Variants in PLD1 observed in about 807,000 individuals in gnomAD.
PLD1 encodes the protein phospholipase D1, also known as choline phosphatase 1.
A neutral mutation model predicts 137.1 loss-of-function variants in PLD1; 112 were observed. The ratio of observed to expected loss-of-function variants is 0.82; its 90% CI spans 0.70 to 0.96. PLD1 has a LOEUF of 0.96. Ranked by LOEUF, PLD1 falls within the 40% of genes least tolerant of loss-of-function variation. The pLI is 0.00. For missense variants in PLD1, 1,321 were observed against 1,342.0 expected (o/e 0.98, Z 0.24); for synonymous variants, 431 against 454.7 (o/e 0.95, Z 0.66).
chr3:171,695,009 C>T (rs1024932353), intron 12 of PLD1, among the ~76,000 whole-genome samples: 1 of 152,072 alleles, frequency 6.6e-6, no homozygotes, highest in African/African-American at 2.4e-5. Flanking sequence ...TTACCTACAC[C>T]TATAGCCACA....
At chr3:171,690,373 T>G (rs1715024483) in intron 13 of PLD1, among the ~76,000 whole-genome samples, 1 of 152,158 alleles carries the variant, frequency 6.6e-6, no homozygotes, top group Admixed American at 6.5e-5. Flanking sequence ...GCTCCAATCT[T>G]TATTTCCTTC....
At chr3:171,748,239 G>A (rs1172855583) in intron 1 of PLD1, among the ~76,000 whole-genome samples, 2 of 152,170 alleles carry the variant, frequency 1.3e-5, no homozygotes, top group African/African-American at 4.8e-5. Flanking sequence ...CTGTTAATAA[G>A]TTTATTACGT....
intron 16 of PLD1, among the ~76,000 whole-genome samples, chr3:171,682,348 T>C (rs187936655): frequency 1.8e-4 from 27 of 152,320 alleles, no homozygotes; most frequent in African/African-American, 6.5e-4. Flanking sequence ...AGTTTTTCTA[T>C]ATAAAAACCC....
chr3:171,725,005 A>G (rs1345654116), intron 7 of PLD1, among the ~76,000 whole-genome samples: 7 of 152,164 alleles, frequency 4.6e-5, no homozygotes, highest in Non-Finnish European at 8.8e-5. Flanking sequence ...CCCCTTCAGC[A>G]TTCGGGGCAG....
At chr3:171,675,617 A>G (rs562366280) in intron 18 of PLD1, among the ~76,000 whole-genome samples, 1 of 152,346 alleles carries the variant, frequency 6.6e-6, no homozygotes, top group South Asian at 2.1e-4. Flanking sequence ...TAGCAGGTTA[A>G]AAGTAACACC....
chr3:171,626,745 C>A (rs1734147987), intron 23 of PLD1, among the ~76,000 whole-genome samples: 1 of 149,538 alleles, frequency 6.7e-6, no homozygotes, highest in Non-Finnish European at 1.5e-5. Context: ...TCATATCCAG[C>A]CAAACTAAGC....
At chr3:171,616,510 G>A (rs1370253709) in intron 24 of PLD1, among the ~76,000 whole-genome samples, 10 of 152,216 alleles carry the variant, frequency 6.6e-5, no homozygotes, top group Non-Finnish European at 8.8e-5. Context: ...TAAAAATAGA[G>A]TGAGTAGCCT....
chr3:171,710,460 T>G (rs1717096182), intron 9 of PLD1, among the ~76,000 whole-genome samples: 1 of 152,170 alleles, frequency 6.6e-6, no homozygotes. Context: ...AGTGATATGA[T>G]TCTCGTGAGG....
chr3:171,635,758 T>TCCA (rs1735049210), intron 23 of PLD1, among the ~76,000 whole-genome samples: 2 of 152,004 alleles, frequency 1.3e-5, no homozygotes, highest in Non-Finnish European at 2.9e-5. Context: ...GCACAAAGGC[T>TCCA]TTCAAGCTTT....
intron 26 of PLD1, among the ~76,000 whole-genome samples, chr3:171,604,760 TAAC>T (rs1357647178): frequency 1.3e-5 from 2 of 152,358 alleles, no homozygotes; most frequent in East Asian, 3.8e-4. Context: ...TTATTAATAT[TAAC>T]AAGATTCATC....
At chr3:171,728,172 T>C (rs1010410843) in intron 6 of PLD1, among the ~76,000 whole-genome samples, 1 of 152,010 alleles carries the variant, frequency 6.6e-6, no homozygotes, top group Non-Finnish European at 1.5e-5. Flanking sequence ...TAGCCAGGTG[T>C]GGTGGTGCAT....
chr3:171,733,446 TG>T lies in PLD1; in HGVS notation c.603del (p.Thr202GlnfsTer7). The T allele has an allele frequency of 1.6e-6, 2 of 1,224,430 alleles. No homozygotes were observed. Among genetic ancestry groups the T allele is most frequent in the Non-Finnish European group, 2.4e-6 (2 of 832,838 alleles). 75.8% of individuals were successfully genotyped at this position (1,224,430 alleles called of 1,614,324 possible). ...TTAAATCACTGACTAGTACTTACTG[TG>T]GCATGATAGTTTCTATACATGGGCA... ...LKMPMYRNYH[A>X]TTEFLDISQL... On this transcript the variant is annotated frameshift_variant, in exon 6 of 27. Transcript: ENST00000351298. LOFTEE classifies it high-confidence loss of function.
At chr3:171,662,310 G>C (rs2108439026) in intron 19 of PLD1, 140 bp from the exon 20 acceptor site, 2 of 567,938 alleles carry the variant, frequency 3.5e-6, no homozygotes, top group East Asian at 5.6e-5. Flanking sequence ...AACCAAAGGA[G>C]AGTAGTGGGG....
chr3:171,697,781 G>A (rs890809504), intron 12 of PLD1, among the ~76,000 whole-genome samples: 8 of 152,092 alleles, frequency 5.3e-5, no homozygotes, highest in Non-Finnish European at 1.2e-4. Context: ...TTTCCATTGG[G>A]AAAGCCCAAT....
At chr3:171,618,362 T>C (rs180826603) in intron 24 of PLD1, among the ~76,000 whole-genome samples, 1 of 152,380 alleles carries the variant, frequency 6.6e-6, no homozygotes, top group Admixed American at 6.5e-5. Flanking sequence ...TTATACTTCA[T>C]GTAAAGTAAA....
At chr3:171,711,647 T>G (rs924476394) in intron 9 of PLD1, among the ~76,000 whole-genome samples, 1 of 152,154 alleles carries the variant, frequency 6.6e-6, no homozygotes, top group East Asian at 1.9e-4. Context: ...GGGACTCTCT[T>G]GCTTCCACAG....
chr3:171,736,924 T>A (rs1049492814), intron 3 of PLD1, among the ~76,000 whole-genome samples: 2 of 152,254 alleles, frequency 1.3e-5, no homozygotes, highest in African/African-American at 4.8e-5. Flanking sequence ...TAACTTTGAT[T>A]GTTGAAGACA....
At chr3:171,649,529 C>G (rs369020389) in intron 21 of PLD1, among the ~76,000 whole-genome samples, 1 of 152,136 alleles carries the variant, frequency 6.6e-6, no homozygotes, top group Non-Finnish European at 1.5e-5. Flanking sequence ...CAACGTCCTT[C>G]GGAAATACTG....
chr3:171,638,046 G>A lies in PLD1; in HGVS notation c.2593+4794C>T, dbSNP rs1056617601. Among the ~76,000 whole-genome samples, 8 of 152,036 alleles carry A rather than the reference G, an allele frequency of 5.3e-5. No individual in the cohort carries two copies. In the East Asian group the frequency reaches 1.5e-3, roughly 29 times the overall value. On this transcript the variant is annotated intron_variant, in intron 23 of 26. Transcript: ENST00000351298. ...AAATACAAAAAAAAATTAGCCAGGT[G>A]CGGCGATGGGCGCCTGCAGTCCCAG...
Sources: gnomAD v4.1 joint callset for allele counts (sites outside exome capture counted in the v4.1 genomes callset) on GRCh38, gnomAD v4.1.1 for gene constraint, MANE v1.5 for transcripts, NCBI Gene and HGNC (gene_info 2026-07-23, HGNC 2026-07-21) for gene names.